Variants in DNAAF9 observed in about 807,000 individuals in gnomAD.
DNAAF9 encodes dynein axonemal assembly factor 9, also known as shulin.
DNAAF9 carries 90 observed loss-of-function variants against 167.0 expected under a neutral mutation model. The observed-to-expected ratio is 0.54, with a 90% CI of 0.45 to 0.64. The LOEUF is 0.64. Ranked by LOEUF, DNAAF9 falls within the 30% of genes least tolerant of loss-of-function variation. The pLI, the probability that DNAAF9 is intolerant of heterozygous loss-of-function variation, is 0.00. For missense variants in DNAAF9, 1,315 were observed against 1,442.2 expected, an observed-to-expected ratio of 0.91 and a Z score of 1.43; for synonymous variants, 491 against 508.8, an observed-to-expected ratio of 0.96 and a Z score of 0.47.
intron 20 of DNAAF9, among the ~76,000 whole-genome samples, chr20:3,312,253 T>G (rs1351401946): frequency 1.3e-5 from 2 of 151,996 alleles, no homozygotes; most frequent in South Asian, 4.2e-4. Context: ...CTCCCAAAGT[T>G]CTGGGATTAC....
rs193247417 is a variant in DNAAF9 at position 3,325,970 on chromosome 20, A to T, written c.1188+227T>A. Among the ~76,000 whole-genome samples, 3 of 152,268 alleles carry T rather than the reference A, an allele frequency of 2.0e-5. No homozygotes were observed. In the East Asian group the frequency reaches 5.8e-4, roughly 29 times the overall value. On this transcript the variant is annotated intron_variant, in intron 13 of 36. Coordinates refer to ENST00000252032, the MANE Select transcript of DNAAF9 (RefSeq NM_001009984.3). ...AGAATGATTTTTCCTTAACACAACC[A>T]GATGTCTACAAAGAAGCACCGATTA...
chr20:3,348,529 C>T lies in DNAAF9; in HGVS notation c.785G>A (p.Gly262Asp), dbSNP rs370265491. The T allele has an allele frequency of 1.9e-6, 3 of 1,579,754 alleles. No individual in the cohort carries two copies. The highest frequency in any genetic ancestry group is 2.6e-6 in the Non-Finnish European group (3 of 1,154,616). The change falls in exon 8 of 37, where the codon GGT becomes GAT. Residue 262 changes from glycine to aspartate, a missense_variant. Gly to Asp is a moderately conservative substitution (Grantham distance 94, BLOSUM62 -1). This residue lies in a region of DNAAF9 where 981 missense variants were observed against 1,012.5 expected (regional missense o/e 0.97). Transcript: ENST00000252032. ...TTTGACCCTTCCCTTACATACCTCACCCGCCTGAGATTCTGAAAGTTCTAG... is the reference window on the plus strand; with the variant it reads ...TTTGACCCTTCCCTTACATACCTCATCCGCCTGAGATTCTGAAAGTTCTAG... ...FLLELSESQA[G>D]EPFRSYFSHG...
At chr20:3,358,984 G>T (rs898732032) in intron 7 of DNAAF9, among the ~76,000 whole-genome samples, 7 of 152,054 alleles carry the variant, frequency 4.6e-5, no homozygotes, top group African/African-American at 1.7e-4. Context: ...ATAGTTTCCT[G>T]GGAGCACAGA....
At chr20:3,365,400 TA>T (rs2083419034) in intron 6 of DNAAF9, among the ~76,000 whole-genome samples, 1 of 151,842 alleles carries the variant, frequency 6.6e-6, no homozygotes, top group African/African-American at 2.4e-5. Context: ...TTTATTTATT[TA>T]TTTATTTTTA....
At chr20:3,284,843 C>A (rs1445294162) in intron 27 of DNAAF9, among the ~76,000 whole-genome samples, 1 of 152,040 alleles carries the variant, frequency 6.6e-6, no homozygotes, top group Non-Finnish European at 1.5e-5. Flanking sequence ...TCAGATTTTT[C>A]CAGTTTTACT....
chr20:3,298,907 C>CTTTTTT (rs397865293), intron 21 of DNAAF9, among the ~76,000 whole-genome samples: 8 of 119,552 alleles, frequency 6.7e-5, no homozygotes, highest in African/African-American at 9.5e-5. Flanking sequence ...TGTTTTAGCT[C>CTTTTTT]TTTTTTTTTT....
chr20:3,392,647 C>T (rs1351896624), intron 1 of DNAAF9, among the ~76,000 whole-genome samples: 3 of 152,154 alleles, frequency 2.0e-5, no homozygotes, highest in Non-Finnish European at 4.4e-5. Context: ...ATAGTTAACT[C>T]ACTGCTCACT....
At position 3,407,611 on chromosome 20, in the gene DNAAF9, T is replaced by C; in HGVS notation, c.-54A>G. On this transcript the variant is annotated 5_prime_UTR_variant, in exon 1 of 37. Coordinates refer to ENST00000252032, the MANE Select transcript of DNAAF9 (RefSeq NM_001009984.3). Reference sequence around the variant, plus strand: ...ACGGTGCAGCTGCGAGGGTCTCAGTTGCCCGCAGGGCGGCTCCACGCTAGC... The same window carrying C: ...ACGGTGCAGCTGCGAGGGTCTCAGTCGCCCGCAGGGCGGCTCCACGCTAGC... 4.2e-6 allele frequency: 5 copies of C among 1,196,202 alleles called. No homozygotes were observed. The highest frequency in any genetic ancestry group is 5.2e-6 in the Non-Finnish European group (5 of 965,576). 74.1% of individuals were successfully genotyped at this position (1,196,202 alleles called of 1,614,324 possible). A position where few individuals can be genotyped will look rare whatever the true frequency, so the allele number is the denominator to read the frequency against.
rs1228259726 is a variant in DNAAF9 at position 3,265,576 on chromosome 20, G to GAAAAA, written c.2787-1057_2787-1053dup. Reference sequence around the variant, plus strand: ...GGTGACAGAGTGAGACTCTGTCTCAGAAAAAAAAAAAAAAAAAAAAAGACT... The same window carrying GAAAAA: ...GGTGACAGAGTGAGACTCTGTCTCAGAAAAAAAAAAAAAAAAAAAAAAAAAAGACT... On this transcript the variant is annotated intron_variant, in intron 30 of 36. Coordinates refer to ENST00000252032, the MANE Select transcript of DNAAF9 (RefSeq NM_001009984.3). Among the ~76,000 whole-genome samples, 227 of 33,830 alleles carry GAAAAA rather than the reference G, an allele frequency of 6.7e-3. 3 individuals carry two copies. The highest frequency in any genetic ancestry group is 0.023 in the African/African-American group (222 of 9,558). The allele number at this position is 33,830 out of a possible 152,430, so 22.2% of individuals were successfully genotyped here.
At chr20:3,266,848 C>T (rs1280671533) in intron 30 of DNAAF9, among the ~76,000 whole-genome samples, 1 of 145,194 alleles carries the variant, frequency 6.9e-6, no homozygotes, top group African/African-American at 2.6e-5. Context: ...ATCCTGCCCC[C>T]TTCCACCTTT....
At position 3,277,094 on chromosome 20, in the gene DNAAF9, T is replaced by A. The variant is rs180696520; in HGVS notation, c.2650+1818A>T. Among the ~76,000 whole-genome samples the A allele has an allele frequency of 8.3e-3, 1,261 of 152,300 alleles. 19 individuals carry two copies. Among genetic ancestry groups the A allele is most frequent in the African/African-American group, 0.029 (1,205 of 41,550 alleles). ...AGTATTCTCTAGCCATCTTCCTTTTTACAGCCCCAAGCACTCTAGAATATC... is the reference window on the plus strand; with the variant it reads ...AGTATTCTCTAGCCATCTTCCTTTTAACAGCCCCAAGCACTCTAGAATATC... On this transcript the variant is annotated intron_variant, in intron 29 of 36. Transcript: ENST00000252032.
chr20:3,294,563 T>C lies in DNAAF9; in HGVS notation c.2085A>G (p.Leu695=), dbSNP rs1337786664. 3.1e-6 allele frequency: 5 copies of C among 1,613,570 alleles called. No homozygotes were observed. The highest frequency in any genetic ancestry group is 2.2e-5 in the East Asian group (1 of 44,864). The change falls in exon 24 of 37, where the codon CTA becomes CTG. Residue 695 remains leucine, a synonymous_variant. Coordinates refer to ENST00000252032, the MANE Select transcript of DNAAF9 (RefSeq NM_001009984.3). ...CTGGGAGTTTGGCTGAGAGTAACTT[T>C]AGGGAACTCCGTTTCTCCCCAGCAG... is the stretch of plus-strand genomic sequence containing the variant. ...SQPAGEKRSS[L]KLLSAKLPEL... is the part of the protein sequence containing the mutation.
At chr20:3,308,073 C>G (rs899748312) in intron 20 of DNAAF9, among the ~76,000 whole-genome samples, 5 of 152,042 alleles carry the variant, frequency 3.3e-5, no homozygotes, top group African/African-American at 1.2e-4. Context: ...CGTTGAAACC[C>G]CCTGGATGTC....
At chr20:3,393,838 T>A (rs886444592) in intron 1 of DNAAF9, among the ~76,000 whole-genome samples, 1 of 152,226 alleles carries the variant, frequency 6.6e-6, no homozygotes, top group African/African-American at 2.4e-5. Context: ...TTCTAAATTA[T>A]GTGTTACCAC....
At chr20:3,325,081 G>A in intron 13 of DNAAF9, 113 bp from the exon 14 acceptor site, 1 of 723,692 alleles carries the variant, frequency 1.4e-6, no homozygotes, top group East Asian at 2.5e-5. Flanking sequence ...GCCCTACAGT[G>A]TGTCCTTCCC....
intron 8 of DNAAF9, among the ~76,000 whole-genome samples, chr20:3,344,584 CACACAT>C (rs1568617598): frequency 2.1e-5 from 2 of 95,056 alleles, no homozygotes; most frequent in Admixed American, 1.1e-4. Context: ...AAAAAATACA[CACACAT>C]ACACACACAC....
chr20:3,294,419 T>A, intron 24 of DNAAF9, 109 bp downstream of exon 24: 1 of 821,238 alleles, frequency 1.2e-6, no homozygotes, highest in East Asian at 2.4e-5. Context: ...CATTTTACAG[T>A]GATCTCTAAG....
At chr20:3,329,217 C>T (rs922266566) in intron 12 of DNAAF9, among the ~76,000 whole-genome samples, 1 of 151,864 alleles carries the variant, frequency 6.6e-6, no homozygotes, top group Non-Finnish European at 1.5e-5. Context: ...ACCCAGGCTG[C>T]GTGTAGTGGT....
In DNAAF9 at chr20:3,383,271, C is replaced by CTTTTT. The variant is rs11087581; in HGVS notation, c.84-770_84-766dup. On this transcript the variant is annotated intron_variant, in intron 1 of 36. Coordinates refer to ENST00000252032, the MANE Select transcript of DNAAF9 (RefSeq NM_001009984.3). ...TGCCTCTAATACTCATTCCCTAACA[C>CTTTTT]TTTTTTTTTTTTTTTTTTTTGAGAT... Among the ~76,000 whole-genome samples the CTTTTT allele has an allele frequency of 2.5e-3, 290 of 114,350 alleles. 3 individuals carry two copies. Among genetic ancestry groups the CTTTTT allele is most frequent in the African/African-American group, 9.5e-3 (276 of 29,012 alleles). The allele number at this position is 114,350 out of a possible 152,430, so 75.0% of individuals were successfully genotyped here.
Sources: gnomAD v4.1 joint callset for allele counts (sites outside exome capture counted in the v4.1 genomes callset) on GRCh38, gnomAD v4.1.1 for gene constraint, gnomAD v4.1.1 regional missense constraint, MANE v1.5 for transcripts, NCBI Gene and HGNC (gene_info 2026-07-23, HGNC 2026-07-21) for gene names.